RBFOX1: variants seen among roughly 807,000 people sequenced by gnomAD.
RBFOX1 encodes RNA binding protein fox-1 homolog 1.
A neutral mutation model predicts 57.7 loss-of-function variants in RBFOX1; 8 were observed. That is an observed-to-expected ratio of 0.14 (90% CI 0.08 to 0.25). RBFOX1 has a LOEUF of 0.25. RBFOX1 is among the 10% of genes least tolerant of loss of function. The pLI is 1.00. For synonymous variants in RBFOX1, 326 were observed against 222.4 expected, an observed-to-expected ratio of 1.47 and a Z score of -4.15; for missense variants, 611 against 548.5, an observed-to-expected ratio of 1.11 and a Z score of -1.14.
intron 4 of RBFOX1, among the ~76,000 whole-genome samples, chr16:7,316,862 G>C (rs561269185): frequency 1.3e-5 from 2 of 151,970 alleles, no homozygotes; most frequent in African/African-American, 4.8e-5. Flanking sequence ...CAGGGAGCCA[G>C]TGAGAGAGGG....
intron 4 of RBFOX1, among the ~76,000 whole-genome samples, chr16:7,433,515 G>T (rs571669741): frequency 3.3e-5 from 5 of 152,314 alleles, no homozygotes; most frequent in African/African-American, 1.2e-4. Context: ...AGACAAATGC[G>T]CGGTGAAATC....
Position 6,478,429 on chromosome 16 carries a change from ATTTTTTT to A in RBFOX1, c.-64+161384_-64+161390del, listed in dbSNP as rs58352204. Among the ~76,000 whole-genome samples the A allele has an allele frequency of 2.0e-3, 50 of 24,624 alleles. 2 individuals are homozygous for A. The highest frequency in any genetic ancestry group is 5.9e-3 in the African/African-American group (46 of 7,840). The allele number at this position is 24,624 out of a possible 152,430, so 16.2% of individuals were successfully genotyped here. A position where few individuals can be genotyped will look rare whatever the true frequency, so the allele number is the denominator to read the frequency against. ...TATATATATATATATATATATATAT[ATTTTTTT>A]TTTTTTTTTTTGTATTTTTAGTAGA... On this transcript the variant is annotated intron_variant, in intron 2 of 15. Coordinates refer to ENST00000550418, the MANE Select transcript of RBFOX1 (RefSeq NM_018723.4).
intron 1 of RBFOX1, among the ~76,000 whole-genome samples, chr16:6,237,933 G>T (rs919066084): frequency 2.7e-5 from 4 of 149,564 alleles, no homozygotes; most frequent in Admixed American, 1.3e-4. Context: ...TCTACAAAAA[G>T]TACAAAAATT....
chr16:6,639,659 G>C (rs867268814), intron 2 of RBFOX1, among the ~76,000 whole-genome samples: 39 of 151,904 alleles, frequency 2.6e-4, no homozygotes, highest in Admixed American at 7.2e-4. Context: ...GGCGGATCAC[G>C]ACGTCAGGAG....
At chr16:6,658,671 C>G (rs892988221) in intron 3 of RBFOX1, among the ~76,000 whole-genome samples, 1 of 152,172 alleles carries the variant, frequency 6.6e-6, no homozygotes, top group African/African-American at 2.4e-5. Flanking sequence ...TGACAGGAAA[C>G]TAATTGCCAT....
chr16:6,426,937 C>G (rs934339575), intron 2 of RBFOX1, among the ~76,000 whole-genome samples: 1 of 152,130 alleles, frequency 6.6e-6, no homozygotes, highest in Non-Finnish European at 1.5e-5. Context: ...CTGAAACCAA[C>G]TCTCCATCAG....
At chr16:6,787,553 C>G (rs551764711) in intron 3 of RBFOX1, among the ~76,000 whole-genome samples, 2 of 152,078 alleles carry the variant, frequency 1.3e-5, no homozygotes, top group East Asian at 3.9e-4. Flanking sequence ...TAATTTGTGC[C>G]AATTCCAGAT....
intron 3 of RBFOX1, among the ~76,000 whole-genome samples, chr16:6,742,980 CATATAGTACA>C (rs1195872012): frequency 3.3e-5 from 5 of 152,060 alleles, no homozygotes; most frequent in Non-Finnish European, 5.9e-5. Context: ...ATGTCAATAT[CATATAGTACA>C]ATATGATATT....
chr16:7,573,531 A>G (rs1364621807), intron 5 of RBFOX1, among the ~76,000 whole-genome samples: 2 of 152,148 alleles, frequency 1.3e-5, no homozygotes, highest in Non-Finnish European at 2.9e-5. Flanking sequence ...GTCTCACTTT[A>G]GAGCCAAACA....
In RBFOX1 at chr16:5,946,130, A is replaced by T. The variant is rs2059395286; in HGVS notation, c.351+78795A>T. ...TGTCTTTTTAAAAAAGATTTTGTTAATAGACCACCACTCCTGTCCTAACAT... is the reference window on the plus strand; with the variant it reads ...TGTCTTTTTAAAAAAGATTTTGTTATTAGACCACCACTCCTGTCCTAACAT... On this transcript the variant is annotated intron_variant, in intron 4 of 19. Coordinates refer to the RBFOX1 transcript ENST00000641259. The surrounding 1 kb of genome is among the most constrained non-coding windows in gnomAD (Gnocchi z 4.6). Among the ~76,000 whole-genome samples, 1 of 152,174 alleles carries T rather than the reference A, an allele frequency of 6.6e-6. No individual in the cohort carries two copies. Among genetic ancestry groups the T allele is most frequent in the Non-Finnish European group, 1.5e-5 (1 of 68,020 alleles).
intron 1 of RBFOX1, among the ~76,000 whole-genome samples, chr16:6,241,978 G>T (rs776109463): frequency 7.2e-5 from 11 of 152,140 alleles, no homozygotes; most frequent in Admixed American, 2.0e-4. Context: ...AGTCAATGTT[G>T]TGAAACAGAA....
chr16:7,001,093 T>A (rs1354121277), intron 3 of RBFOX1, among the ~76,000 whole-genome samples: 1 of 152,206 alleles, frequency 6.6e-6, no homozygotes, highest in African/African-American at 2.4e-5. Context: ...GTAGAGTTCA[T>A]GTGAGAAAAA....
intron 4 of RBFOX1, among the ~76,000 whole-genome samples, chr16:7,382,906 A>T (rs1431448746): frequency 6.6e-6 from 1 of 152,242 alleles, no homozygotes; most frequent in African/African-American, 2.4e-5. Flanking sequence ...AAGTATGTTT[A>T]GTTTAGATAT....
chr16:5,582,591 C>A (rs1428956303), intron 2 of RBFOX1, among the ~76,000 whole-genome samples: 1 of 147,592 alleles, frequency 6.8e-6, no homozygotes, highest in Non-Finnish European at 1.5e-5. Flanking sequence ...TCTTTGTTGC[C>A]CAGGCTGGAA....
chr16:6,702,121 T>A (rs2061947266), intron 3 of RBFOX1, among the ~76,000 whole-genome samples: 1 of 152,136 alleles, frequency 6.6e-6, no homozygotes, highest in Admixed American at 6.5e-5. Flanking sequence ...TTAGACCTCG[T>A]GGTAAATCAC....
At chr16:7,120,922 T>C (rs990837398) in intron 4 of RBFOX1, among the ~76,000 whole-genome samples, 1 of 150,208 alleles carries the variant, frequency 6.7e-6, no homozygotes, top group Non-Finnish European at 1.5e-5. Context: ...CATGACCACA[T>C]AGTATTAGTC....
Position 7,344,383 on chromosome 16 carries a change from T to A in RBFOX1, c.28-173764T>A, listed in dbSNP as rs528684401. Among the ~76,000 whole-genome samples, 257 of 149,970 alleles carry A rather than the reference T, an allele frequency of 1.7e-3. 1 individual carries two copies. Among genetic ancestry groups the A allele is most frequent in the African/African-American group, 5.9e-3 (241 of 41,178 alleles). ...TTATATTATTTGTATTATGCATTAT[T>A]CATAAGATATAATGCAATATATATT... On this transcript the variant is annotated intron_variant, in intron 4 of 15. Transcript: ENST00000550418.
At chr16:7,504,041 A>G (rs935003565) in intron 4 of RBFOX1, among the ~76,000 whole-genome samples, 3 of 152,208 alleles carry the variant, frequency 2.0e-5, no homozygotes, top group African/African-American at 4.8e-5. Flanking sequence ...AACTTTCTGT[A>G]TAATTATATC....
At chr16:5,957,096 C>T (rs553307604) in intron 4 of RBFOX1, among the ~76,000 whole-genome samples, 8 of 152,222 alleles carry the variant, frequency 5.3e-5, no homozygotes, top group East Asian at 1.9e-4. Flanking sequence ...ATTGTTTTAC[C>T]GAAGAGCCAC....
Sources: gnomAD v4.1 joint callset for allele counts (sites outside exome capture counted in the v4.1 genomes callset) on GRCh38, gnomAD v4.1.1 for gene constraint, Gnocchi (gnomAD v3.1) non-coding constraint, MANE v1.5 for transcripts, NCBI Gene and HGNC (gene_info 2026-07-23, HGNC 2026-07-21) for gene names.